PDE10A: variants seen among roughly 807,000 people sequenced by gnomAD.
PDE10A encodes phosphodiesterase 10A.
A neutral mutation model predicts 97.7 loss-of-function variants in PDE10A; 39 were observed. The observed-to-expected ratio is 0.40, with a 90% CI of 0.31 to 0.52. The LOEUF (loss-of-function observed/expected upper bound fraction) is 0.52, where lower values mean the gene tolerates loss of function less well. PDE10A is among the 20% of genes least tolerant of loss of function. PDE10A has a pLI of 0.56. For missense variants in PDE10A, 731 were observed against 1,047.8 expected, an observed-to-expected ratio of 0.70 and a Z score of 4.17; for synonymous variants, 371 against 376.8, an observed-to-expected ratio of 0.98 and a Z score of 0.18.
At chr6:165,974,200 A>G (rs9459548) in intron 1 of PDE10A, among the ~76,000 whole-genome samples, 1,929 of 152,322 alleles carry the variant, frequency 0.013, 37 homozygotes, top group South Asian at 0.056. Flanking sequence ...ACAAGTGGCA[A>G]CTTTCACAAA....
chr6:165,476,312 G>A (rs1779295667), intron 3 of PDE10A, among the ~76,000 whole-genome samples: 1 of 152,118 alleles, frequency 6.6e-6, no homozygotes, highest in African/African-American at 2.4e-5. Context: ...GATAATTAAA[G>A]AATTAACAAT....
rs1405219430 is a variant in PDE10A at position 165,619,274 on chromosome 6, G to A, written c.865+42673C>T. 5.5e-5 allele frequency among the ~76,000 whole-genome samples: 8 copies of A among 146,362 alleles called. 1 individual carries two copies. The highest frequency in any genetic ancestry group is 2.1e-4 in the South Asian group (1 of 4,658). On this transcript the variant is annotated intron_variant, in intron 1 of 21. Transcript: ENST00000539869. ...GTAGTCTAGTGTAGTGTAGTCTAGC[G>A]TAGTGTAGTCTAGCATAGTCTAGTG...
intron 1 of PDE10A, among the ~76,000 whole-genome samples, chr6:165,817,892 G>C (rs1779462819): frequency 6.6e-6 from 1 of 152,198 alleles, no homozygotes; most frequent in Non-Finnish European, 1.5e-5. Context: ...GTTAATATTT[G>C]CAAGATGAAG....
At chr6:165,543,390 C>A in intron 2 of PDE10A, 50 bp downstream of exon 2, 2 of 1,544,708 alleles carry the variant, frequency 1.3e-6, no homozygotes, top group East Asian at 2.3e-5. Context: ...TAGTCTTTTG[C>A]CGTAAGATAG....
chr6:165,410,948 C>A lies in PDE10A; in HGVS notation c.2076+2553G>T, dbSNP rs1280494939. Among the ~76,000 whole-genome samples the A allele has an allele frequency of 4.8e-5, 2 of 41,882 alleles. 1 individual carries two copies. Among genetic ancestry groups the A allele is most frequent in the Non-Finnish European group, 8.4e-5 (2 of 23,894 alleles). 27.5% of individuals were successfully genotyped at this position (41,882 alleles called of 152,430 possible). On this transcript the variant is annotated intron_variant, in intron 13 of 21. Coordinates refer to ENST00000539869, the MANE Select transcript of PDE10A (RefSeq NM_001385079.1). Reference sequence around the variant, plus strand: ...CTAAAAATACAAAAAAATAGCCGGGCGTGGTGGCGGTGCCTGTAGTCCCAG... The same window carrying A: ...CTAAAAATACAAAAAAATAGCCGGGAGTGGTGGCGGTGCCTGTAGTCCCAG...
intron 1 of PDE10A, among the ~76,000 whole-genome samples, chr6:165,750,832 T>G (rs979311535): frequency 6.6e-6 from 1 of 152,086 alleles, no homozygotes; most frequent in African/African-American, 2.4e-5. Context: ...GTGAGGAGCA[T>G]GGAGAAACAG....
chr6:165,625,729 G>C (rs1382707617), intron 1 of PDE10A, among the ~76,000 whole-genome samples: 1 of 151,922 alleles, frequency 6.6e-6, no homozygotes, highest in South Asian at 2.1e-4. Flanking sequence ...TTGCTGCCAT[G>C]TAAGAAGTGC....
chr6:165,435,161 A>C, intron 6 of PDE10A, 76 bp downstream of exon 6: 2 of 1,240,154 alleles, frequency 1.6e-6, no homozygotes, highest in Non-Finnish European at 2.3e-6. Flanking sequence ...AAATTATAAC[A>C]TCAAAATGAT....
chr6:165,631,087 G>A (rs983532685), intron 1 of PDE10A, among the ~76,000 whole-genome samples: 1 of 152,174 alleles, frequency 6.6e-6, no homozygotes, highest in Non-Finnish European at 1.5e-5. Flanking sequence ...TTCATAAAAT[G>A]AAGAAATGTC....
At chr6:165,468,704 A>G (rs762802409) in intron 3 of PDE10A, among the ~76,000 whole-genome samples, 40 of 152,382 alleles carry the variant, frequency 2.6e-4, no homozygotes, top group Non-Finnish European at 4.3e-4. Context: ...GAAATTATCA[A>G]CTTGTGAAAA....
At chr6:165,735,358 A>ATAGGTGGGTGGGTAGG (rs1345136303) in intron 1 of PDE10A, among the ~76,000 whole-genome samples, 4 of 137,340 alleles carry the variant, frequency 2.9e-5, no homozygotes, top group African/African-American at 1.0e-4. Context: ...GGGTAGGTAG[A>ATAGGTGGGTGGGTAGG]TAGGTGGGTG....
intron 1 of PDE10A, among the ~76,000 whole-genome samples, chr6:165,611,388 G>A (rs1787486872): frequency 6.6e-6 from 1 of 152,144 alleles, no homozygotes; most frequent in Non-Finnish European, 1.5e-5. Flanking sequence ...GCTTCTCTGG[G>A]TGTCCTCCTG....
chr6:165,414,043 T>A (rs1371987595), intron 12 of PDE10A, among the ~76,000 whole-genome samples: 2 of 152,158 alleles, frequency 1.3e-5, no homozygotes, highest in Non-Finnish European at 2.9e-5. Context: ...TAAAATAACA[T>A]AATCCTTTGA....
chr6:165,353,413 T>C (rs182960248), intron 18 of PDE10A, among the ~76,000 whole-genome samples: 2 of 152,300 alleles, frequency 1.3e-5, no homozygotes, highest in East Asian at 3.9e-4. Flanking sequence ...AAATTTATGT[T>C]TACACAAAAA....
chr6:165,854,616 G>A (rs2128475387), intron 1 of PDE10A, among the ~76,000 whole-genome samples: 1 of 152,302 alleles, frequency 6.6e-6, no homozygotes, highest in Middle Eastern at 3.4e-3. Flanking sequence ...GTCTTGTCTT[G>A]CTGGAGGTGA....
intron 13 of PDE10A, among the ~76,000 whole-genome samples, chr6:165,406,198 G>T (rs911878859): frequency 1.2e-4 from 18 of 147,386 alleles, no homozygotes; most frequent in Non-Finnish European, 2.2e-4. Flanking sequence ...TAGTATCTAA[G>T]AGTATTCAAA....
chr6:165,871,638 G>A (rs916175562), intron 1 of PDE10A, among the ~76,000 whole-genome samples: 8 of 152,202 alleles, frequency 5.3e-5, no homozygotes, highest in Non-Finnish European at 1.2e-4. Context: ...GATGTCTGGC[G>A]AAAGTCAAGT....
intron 1 of PDE10A, among the ~76,000 whole-genome samples, chr6:165,983,067 C>CA (rs11445684): frequency 0.95 from 144,670 of 152,028 alleles, 68,868 homozygotes; most frequent in East Asian, 1. Flanking sequence ...CACAATTTTA[C>CA]GACACACACA....
intron 3 of PDE10A, among the ~76,000 whole-genome samples, chr6:165,475,807 ATACT>A (rs1485436072): frequency 3.9e-5 from 6 of 152,250 alleles, no homozygotes. Flanking sequence ...GGATACAGTC[ATACT>A]GTTTACCATG....
Sources: allele counts gnomAD v4.1 joint callset (sites outside exome capture counted in the v4.1 genomes callset), GRCh38; gene constraint gnomAD v4.1.1; transcripts MANE v1.5; gene names NCBI Gene and HGNC (gene_info 2026-07-23, HGNC 2026-07-21).